SLC44A5: variants seen among roughly 807,000 people sequenced by gnomAD.
SLC44A5 encodes solute carrier family 44 member 5, also known as choline transporter-like protein 5.
Under a neutral mutation model 101.8 loss-of-function variants are expected in SLC44A5, and 57 were observed. The observed-to-expected ratio is 0.56, with a 90% confidence interval of 0.45 to 0.70. The LOEUF (loss-of-function observed/expected upper bound fraction) is 0.70. Ranked by LOEUF, SLC44A5 falls within the 30% of genes least tolerant of loss-of-function variation. SLC44A5 has a pLI of 0.00. For missense variants in SLC44A5, 737 were observed against 853.1 expected, an observed-to-expected ratio of 0.86 and a Z score of 1.70; for synonymous variants, 281 against 290.9, an observed-to-expected ratio of 0.97 and a Z score of 0.35.
intron 3 of SLC44A5, among the ~76,000 whole-genome samples, chr1:75,390,862 C>A (rs1358895586): frequency 6.6e-6 from 1 of 151,912 alleles, no homozygotes; most frequent in Non-Finnish European, 1.5e-5. Flanking sequence ...GGTGAGAGAA[C>A]AAAACAAAAC....
the SLC44A5 span, among the ~76,000 whole-genome samples, chr1:75,691,213 T>A: frequency 6.6e-6 from 1 of 152,142 alleles, no homozygotes; most frequent in Admixed American, 6.6e-5. Context: ...TTTGGGAACC[T>A]CCCCTAGCCT....
chr1:75,610,927 A>G (rs747899413), intron 1 of SLC44A5, 113 bp downstream of exon 1: 28 of 218,746 alleles, frequency 1.3e-4, no homozygotes, highest in East Asian at 1.9e-4. Flanking sequence ...CACTATATAT[A>G]TGTGTGTGTG....
chr1:75,504,065 T>C (rs1557854548), intron 2 of SLC44A5, among the ~76,000 whole-genome samples: 2 of 152,202 alleles, frequency 1.3e-5, no homozygotes, highest in Non-Finnish European at 2.9e-5. Context: ...TTTTGTAACT[T>C]TTATGAGATA....
chr1:75,448,157 C>G (rs1665692503), intron 2 of SLC44A5, among the ~76,000 whole-genome samples: 2 of 152,050 alleles, frequency 1.3e-5, no homozygotes, highest in Non-Finnish European at 2.9e-5. Flanking sequence ...CAAAGGAATC[C>G]AAAAAATGCT....
intron 2 of SLC44A5, among the ~76,000 whole-genome samples, chr1:75,428,182 G>A (rs988282676): frequency 6.6e-6 from 1 of 152,128 alleles, no homozygotes; most frequent in Non-Finnish European, 1.5e-5. Context: ...TGACATTTTG[G>A]GGGAGTGTTG....
intron 2 of SLC44A5, among the ~76,000 whole-genome samples, chr1:75,425,231 C>T (rs1664240613): frequency 6.6e-6 from 1 of 152,178 alleles, no homozygotes; most frequent in Admixed American, 6.5e-5. Context: ...ATAACAAAGC[C>T]ATGGTCTTTG....
intron 2 of SLC44A5, among the ~76,000 whole-genome samples, chr1:75,421,049 G>T (rs1450088238): frequency 1.3e-5 from 2 of 152,038 alleles, no homozygotes; most frequent in East Asian, 3.9e-4. Context: ...TTCAGAGGGG[G>T]AAATAGTTGT....
chr1:75,204,659 T>C (rs1465280980), intron 23 of SLC44A5: 2 of 149,444 alleles, frequency 1.3e-5, no homozygotes, highest in Admixed American at 1.3e-4. Flanking sequence ...AACTTTTATA[T>C]TTTTTATAAA....
chr1:75,454,367 C>G (rs1367126143), intron 2 of SLC44A5, among the ~76,000 whole-genome samples: 1 of 151,786 alleles, frequency 6.6e-6, no homozygotes, highest in East Asian at 1.9e-4. Context: ...TGATTAAAAC[C>G]CTTAAGAAAC....
At chr1:75,697,758 G>A in the SLC44A5 span, among the ~76,000 whole-genome samples, 1 of 152,216 alleles carries the variant, frequency 6.6e-6, no homozygotes, top group East Asian at 1.9e-4. Context: ...ATCTCACTAG[G>A]GAGTGCCAGA....
At chr1:75,491,954 C>T (rs1668449006) in intron 2 of SLC44A5, among the ~76,000 whole-genome samples, 1 of 152,114 alleles carries the variant, frequency 6.6e-6, no homozygotes, top group African/African-American at 2.4e-5. Flanking sequence ...TTTTGTTCTA[C>T]TTGGTGATAC....
chr1:75,439,437 T>C (rs1308888496), intron 2 of SLC44A5, among the ~76,000 whole-genome samples: 2 of 152,088 alleles, frequency 1.3e-5, no homozygotes, highest in Non-Finnish European at 2.9e-5. Flanking sequence ...ACTCAATGGA[T>C]CTAGGCAAAA....
intron 1 of SLC44A5, among the ~76,000 whole-genome samples, chr1:75,596,461 A>G (rs1047993416): frequency 6.6e-6 from 1 of 152,132 alleles, no homozygotes; most frequent in Non-Finnish European, 1.5e-5. Flanking sequence ...TATGAGGCCA[A>G]CATCATCCTG....
At chr1:75,389,181 A>G (rs1661619454) in intron 3 of SLC44A5, among the ~76,000 whole-genome samples, 1 of 152,340 alleles carries the variant, frequency 6.6e-6, no homozygotes, top group South Asian at 2.1e-4. Flanking sequence ...AGATTCATAA[A>G]ACAGGTACTT....
chr1:75,241,322 C>T (rs562293270), intron 9 of SLC44A5, among the ~76,000 whole-genome samples: 1 of 152,080 alleles, frequency 6.6e-6, no homozygotes, highest in African/African-American at 2.4e-5. Flanking sequence ...CTCCTGGGCT[C>T]AAGTGATCCT....
In SLC44A5 at chr1:75,378,943, G is replaced by A. The variant is rs1194540287; in HGVS notation, c.52+17640C>T. 4.9e-4 allele frequency among the ~76,000 whole-genome samples: 40 copies of A among 81,504 alleles called. 14 individuals carry two copies. Among genetic ancestry groups the A allele is most frequent in the African/African-American group, 3.4e-3 (40 of 11,898 alleles). The allele number at this position is 81,504 out of a possible 152,430, so 53.5% of individuals were successfully genotyped here. ...CGCCATACCCTCAGCTGCCCACTAG[G>A]AGACTTAATCCTATGGCACCACCTA... On this transcript the variant is annotated intron_variant, in intron 3 of 23. Transcript: ENST00000370859.
chr1:75,216,922 G>C (rs146380204), intron 18 of SLC44A5, among the ~76,000 whole-genome samples: 1 of 152,046 alleles, frequency 6.6e-6, no homozygotes, highest in African/African-American at 2.4e-5. Context: ...CACTCTCTTG[G>C]TAGTGTTCTT....
chr1:75,542,345 C>CT (rs1223629932), intron 1 of SLC44A5, among the ~76,000 whole-genome samples: 3 of 151,828 alleles, frequency 2.0e-5, no homozygotes, highest in South Asian at 4.1e-4. Context: ...TTGTTCATTG[C>CT]TTTTTTTGCA....
At chr1:75,641,787 G>A in the SLC44A5 span, 1 of 1,560,644 alleles carries the variant, frequency 6.4e-7, no homozygotes, top group Non-Finnish European at 8.8e-7. Context: ...CCTTTAGAGT[G>A]CAAAGAAAAA....
Sources: allele counts gnomAD v4.1 joint callset (sites outside exome capture counted in the v4.1 genomes callset), GRCh38; gene constraint gnomAD v4.1.1; transcripts MANE v1.5; gene names NCBI Gene and HGNC (gene_info 2026-07-23, HGNC 2026-07-21).